PRELID2: variants seen among roughly 807,000 people sequenced by gnomAD.
The protein encoded by PRELID2 is PRELI domain-containing protein 2.
A neutral mutation model predicts 28.4 loss-of-function variants in PRELID2; 25 were observed. The observed-to-expected ratio is 0.88, with a 90% CI of 0.64 to 1.23. PRELID2 has a LOEUF of 1.23. PRELID2 is among the 50% of genes most tolerant of loss of function. PRELID2 has a pLI of 0.00. For missense variants in PRELID2, 201 were observed against 214.4 expected, an observed-to-expected ratio of 0.94 and a Z score of 0.39; for synonymous variants, 76 against 71.6, an observed-to-expected ratio of 1.06 and a Z score of -0.31.
At chr5:145,457,378 T>C in the PRELID2 span, among the ~76,000 whole-genome samples, 2 of 152,194 alleles carry the variant, frequency 1.3e-5, no homozygotes. Flanking sequence ...GTAAATGCTA[T>C]TCAACTTCCC....
intron 1 of PRELID2, among the ~76,000 whole-genome samples, chr5:145,648,410 T>G (rs1191005185): frequency 6.7e-6 from 1 of 149,428 alleles, no homozygotes; most frequent in Admixed American, 6.9e-5. Flanking sequence ...TAATAAATAA[T>G]AAAAATAATA....
At chr5:145,266,505 A>G in the PRELID2 span, among the ~76,000 whole-genome samples, 2 of 152,110 alleles carry the variant, frequency 1.3e-5, no homozygotes, top group Non-Finnish European at 2.9e-5. Context: ...CCTTACTCCT[A>G]CAAGAGTGGT....
At chr5:145,233,603 A>T in the PRELID2 span, among the ~76,000 whole-genome samples, 1 of 152,184 alleles carries the variant, frequency 6.6e-6, no homozygotes, top group Non-Finnish European at 1.5e-5. Flanking sequence ...AAGATAGAGC[A>T]GACTTGCCTC....
At position 145,758,456 on chromosome 5, in the gene PRELID2, T is replaced by G. The variant is rs1209789993; in HGVS notation, c.*2080A>C. On this transcript the variant is annotated 3_prime_UTR_variant, in exon 7 of 7. Coordinates refer to ENST00000683046, the MANE Select transcript of PRELID2 (RefSeq NM_205846.3). ...GTTTTTTTTAAAGCTGATGCCTTGG[T>G]TCCACTACCTGAGATTCTGATTTTT... Among the ~76,000 whole-genome samples the G allele has an allele frequency of 6.6e-6, 1 of 152,144 alleles. No individual in the cohort carries two copies. The highest frequency in any genetic ancestry group is 1.5e-5 in the Non-Finnish European group (1 of 68,036).
the PRELID2 span, among the ~76,000 whole-genome samples, chr5:145,311,777 G>C: frequency 6.6e-6 from 1 of 152,106 alleles, no homozygotes; most frequent in African/African-American, 2.4e-5. Flanking sequence ...AGAAAGATGT[G>C]CCATGCCTGC....
the PRELID2 span, among the ~76,000 whole-genome samples, chr5:145,318,325 C>T: frequency 5.3e-5 from 8 of 152,150 alleles, no homozygotes; most frequent in African/African-American, 1.9e-4. Context: ...CACTGAAATG[C>T]TTTCCTTTAC....
the PRELID2 span, among the ~76,000 whole-genome samples, chr5:145,375,122 T>C: frequency 2.0e-5 from 3 of 152,138 alleles, no homozygotes; most frequent in Non-Finnish European, 4.4e-5. Context: ...TGAGTTTGTC[T>C]AGTTTCAATG....
the PRELID2 span, among the ~76,000 whole-genome samples, chr5:145,261,239 A>G: frequency 5.9e-5 from 9 of 152,180 alleles, no homozygotes; most frequent in African/African-American, 1.7e-4. Flanking sequence ...TGGTAGTCAA[A>G]GACAAAGGAC....
chr5:145,327,663 T>A, the PRELID2 span, among the ~76,000 whole-genome samples: 7 of 152,156 alleles, frequency 4.6e-5, no homozygotes, highest in Non-Finnish European at 1.0e-4. Flanking sequence ...CTGATTGTTT[T>A]ATAGTTCTTT....
chr5:145,543,081 G>A (rs1432559807), intron 1 of PRELID2, among the ~76,000 whole-genome samples: 1 of 152,084 alleles, frequency 6.6e-6, no homozygotes, highest in Non-Finnish European at 1.5e-5. Context: ...TCCTCAGGGA[G>A]AGCTTTCCTT....
chr5:145,834,074 T>C (rs1185327384), intron 1 of PRELID2, among the ~76,000 whole-genome samples: 1 of 152,230 alleles, frequency 6.6e-6, no homozygotes, highest in Non-Finnish European at 1.5e-5. Context: ...AGAAACAGTC[T>C]TTGGGATTCA....
chr5:145,286,458 A>G, the PRELID2 span, among the ~76,000 whole-genome samples: 10 of 152,276 alleles, frequency 6.6e-5, no homozygotes, highest in East Asian at 1.4e-3. Context: ...TATCACCCCC[A>G]ATTTATAGAT....
chr5:145,564,875 T>C (rs944933514), intron 1 of PRELID2, among the ~76,000 whole-genome samples: 3 of 152,246 alleles, frequency 2.0e-5, no homozygotes, highest in African/African-American at 7.2e-5. Context: ...ACTTCCATTA[T>C]GGCGTCCCTT....
chr5:145,375,165 G>A, the PRELID2 span, among the ~76,000 whole-genome samples: 4 of 151,848 alleles, frequency 2.6e-5, no homozygotes, highest in East Asian at 1.9e-4. Context: ...TGCAGTTTTT[G>A]TGGGGGCTTT....
At chr5:145,577,442 G>A (rs2149622262) in intron 1 of PRELID2, among the ~76,000 whole-genome samples, 1 of 151,854 alleles carries the variant, frequency 6.6e-6, no homozygotes, top group Non-Finnish European at 1.5e-5. Flanking sequence ...TTCCAGAGCT[G>A]AAAAATACAA....
intron 1 of PRELID2, among the ~76,000 whole-genome samples, chr5:145,747,293 TAAAG>T (rs1001135572): frequency 6.2e-5 from 9 of 144,326 alleles, no homozygotes; most frequent in African/African-American, 1.5e-4. Context: ...GCTAGACTAA[TAAAG>T]AAAAGAGAAG....
chr5:145,799,493 A>G (rs1243672813), intron 4 of PRELID2, among the ~76,000 whole-genome samples: 1 of 152,086 alleles, frequency 6.6e-6, no homozygotes, highest in Non-Finnish European at 1.5e-5. Flanking sequence ...CTCACTGGCT[A>G]GTGGAAAAGG....
intron 1 of PRELID2, among the ~76,000 whole-genome samples, chr5:145,567,305 T>G (rs1752975143): frequency 6.6e-6 from 1 of 151,894 alleles, no homozygotes; most frequent in Admixed American, 6.5e-5. Flanking sequence ...TGGTTTCCCC[T>G]TTGCTTTTCC....
chr5:145,675,312 T>G (rs548305060), intron 1 of PRELID2, among the ~76,000 whole-genome samples: 1 of 143,380 alleles, frequency 7.0e-6, no homozygotes, highest in South Asian at 2.1e-4. Context: ...TTACTAATAA[T>G]AAAATAAATG....
Sources: gnomAD v4.1 joint callset for allele counts (sites outside exome capture counted in the v4.1 genomes callset) on GRCh38, gnomAD v4.1.1 for gene constraint, MANE v1.5 for transcripts, NCBI Gene and HGNC (gene_info 2026-07-23, HGNC 2026-07-21) for gene names.